PDLIM5: variants seen among roughly 807,000 people sequenced by gnomAD.
PDLIM5 encodes the protein PDZ and LIM domain protein 5.
A neutral mutation model predicts 64.2 loss-of-function variants in PDLIM5; 34 were observed. The observed-to-expected ratio is 0.53, with a 90% CI of 0.40 to 0.71. PDLIM5 has a LOEUF of 0.71. Ranked by LOEUF, PDLIM5 falls within the 30% of genes least tolerant of loss-of-function variation. The pLI, the probability that PDLIM5 is intolerant of heterozygous loss-of-function variation, is 0.00. For missense variants in PDLIM5, 683 were observed against 733.6 expected, an observed-to-expected ratio of 0.93 and a Z score of 0.80; for synonymous variants, 253 against 269.1, an observed-to-expected ratio of 0.94 and a Z score of 0.59.
intron 3 of PDLIM5, among the ~76,000 whole-genome samples, chr4:94,549,153 C>T (rs937667205): frequency 5.9e-5 from 9 of 152,168 alleles, no homozygotes; most frequent in Admixed American, 4.6e-4. Flanking sequence ...GGACACTATA[C>T]GCAGAGTTAA....
intron 4 of PDLIM5, 78 bp from the exon 5 acceptor site, chr4:94,575,538 C>A: frequency 1.0e-6 from 1 of 1,000,194 alleles, no homozygotes; most frequent in Non-Finnish European, 1.5e-6. Flanking sequence ...AAAAAATCAG[C>A]TCTGTGTTCT....
At chr4:94,493,833 T>G (rs895573793) in intron 2 of PDLIM5, among the ~76,000 whole-genome samples, 1 of 152,228 alleles carries the variant, frequency 6.6e-6, no homozygotes, top group African/African-American at 2.4e-5. Flanking sequence ...TCATAGACTA[T>G]TGTAATCTGC....
At chr4:94,501,310 C>T (rs761470197) in intron 2 of PDLIM5, among the ~76,000 whole-genome samples, 1 of 152,090 alleles carries the variant, frequency 6.6e-6, no homozygotes, top group Non-Finnish European at 1.5e-5. Flanking sequence ...GCTCAAACTC[C>T]TGAGCTCAAA....
In PDLIM5 at chr4:94,452,004, CG is replaced by C. The variant is rs1160015541; in HGVS notation, c.-43+11del. On this transcript the variant is annotated intron_variant, in intron 1 of 12. Coordinates refer to ENST00000317968, the MANE Select transcript of PDLIM5 (RefSeq NM_006457.5). ...GCCGCGCCGGACCCGAGGTGAGTGG[CG>C]GCCGGCCGGCGATGCGCCTCTCGGA... 1 of 152,196 alleles carries C rather than the reference CG, an allele frequency of 6.6e-6. No individual in the cohort carries two copies. The highest frequency in any genetic ancestry group is 2.4e-5 in the African/African-American group (1 of 41,404). The allele number at this position is 152,196 out of a possible 1,614,324, so 9.4% of individuals were successfully genotyped here. A position where few individuals can be genotyped will look rare whatever the true frequency, so the allele number is the denominator to read the frequency against.
intron 3 of PDLIM5, among the ~76,000 whole-genome samples, chr4:94,540,429 T>A (rs1731706592): frequency 6.6e-6 from 1 of 152,216 alleles, no homozygotes; most frequent in Non-Finnish European, 1.5e-5. Context: ...ATTATTCTTT[T>A]AATAAAGATG....
chr4:94,626,410 T>C (rs1165656765), intron 8 of PDLIM5, among the ~76,000 whole-genome samples: 3 of 152,182 alleles, frequency 2.0e-5, no homozygotes, highest in African/African-American at 7.2e-5. Context: ...TCAAAAGAAT[T>C]GTTTAGAGTT....
chr4:94,630,431 G>C (rs1157257524), intron 8 of PDLIM5, among the ~76,000 whole-genome samples: 2 of 152,120 alleles, frequency 1.3e-5, no homozygotes, highest in Non-Finnish European at 2.9e-5. Flanking sequence ...CTGGAGTCCA[G>C]TGGCGTGACC....
chr4:94,461,912 G>A (rs112070590), intron 2 of PDLIM5, among the ~76,000 whole-genome samples: 2 of 152,254 alleles, frequency 1.3e-5, no homozygotes, highest in Non-Finnish European at 2.9e-5. Context: ...TCACCCAGGC[G>A]GGAGTGCAGT....
rs67013211 is a variant in PDLIM5 at position 94,478,890 on chromosome 4, G to GTTTTTT, written c.96+23528_96+23533dup. 4.3e-5 allele frequency among the ~76,000 whole-genome samples: 4 copies of GTTTTTT among 94,084 alleles called. 1 individual carries two copies. The highest frequency in any genetic ancestry group is 7.8e-5 in the Non-Finnish European group (4 of 51,118). 61.7% of individuals were successfully genotyped at this position (94,084 alleles called of 152,430 possible). On this transcript the variant is annotated intron_variant, in intron 2 of 12. Coordinates refer to ENST00000317968, the MANE Select transcript of PDLIM5 (RefSeq NM_006457.5). ...CCAAAAGAAGGTAGGTGTGCTTGGT[G>GTTTTTT]TTTTTTTTTTTTTTTTTTTTTTTTT... is the stretch of plus-strand genomic sequence containing the variant.
chr4:94,576,080 A>G (rs1453529693), intron 5 of PDLIM5, 46 bp downstream of exon 5: 4 of 1,505,542 alleles, frequency 2.7e-6, no homozygotes, highest in Non-Finnish European at 3.6e-6. Flanking sequence ...CTCTTCTTTC[A>G]GGTAATTTCC....
intron 2 of PDLIM5, among the ~76,000 whole-genome samples, chr4:94,462,965 C>T (rs1578196680): frequency 1.3e-5 from 2 of 152,180 alleles, no homozygotes; most frequent in East Asian, 3.8e-4. Context: ...AAACATGCTG[C>T]TCTTCTTTAA....
intron 3 of PDLIM5, among the ~76,000 whole-genome samples, chr4:94,528,721 G>A (rs1244346369): frequency 2.0e-5 from 3 of 152,046 alleles, no homozygotes; most frequent in East Asian, 3.8e-4. Context: ...CATTTTAGAG[G>A]ACTGAGACAG....
chr4:94,504,506 C>T (rs961175155), intron 2 of PDLIM5, among the ~76,000 whole-genome samples: 2 of 152,078 alleles, frequency 1.3e-5, no homozygotes, highest in Non-Finnish European at 2.9e-5. Context: ...AGGATGGTCT[C>T]CGTCTCGTGA....
chr4:94,603,085 G>A (rs989708671), intron 7 of PDLIM5, among the ~76,000 whole-genome samples: 1 of 152,142 alleles, frequency 6.6e-6, no homozygotes, highest in African/African-American at 2.4e-5. Context: ...AATGTGACTG[G>A]AGTTCAGTGA....
At chr4:94,531,139 C>T (rs1277510577) in intron 3 of PDLIM5, among the ~76,000 whole-genome samples, 1 of 151,796 alleles carries the variant, frequency 6.6e-6, no homozygotes, top group Non-Finnish European at 1.5e-5. Context: ...ATTTCACGTA[C>T]TTTTCTAGTG....
At chr4:94,625,496 A>T (rs1739599117) in intron 8 of PDLIM5, among the ~76,000 whole-genome samples, 1 of 150,452 alleles carries the variant, frequency 6.6e-6, no homozygotes, top group Non-Finnish European at 1.5e-5. Flanking sequence ...TGTGTTGCCC[A>T]GGCTGGAGTG....
At chr4:94,562,556 C>T (rs1733937991) in intron 3 of PDLIM5, among the ~76,000 whole-genome samples, 1 of 152,146 alleles carries the variant, frequency 6.6e-6, no homozygotes, top group African/African-American at 2.4e-5. Flanking sequence ...CATTTAGGAA[C>T]TTTTGTAGCA....
chr4:94,513,575 C>A (rs1402626207), intron 2 of PDLIM5, among the ~76,000 whole-genome samples: 3 of 152,136 alleles, frequency 2.0e-5, no homozygotes, highest in African/African-American at 7.2e-5. Context: ...TATCCTGCAA[C>A]TTTACTGAAT....
intron 8 of PDLIM5, among the ~76,000 whole-genome samples, chr4:94,621,070 C>CAAAAAAA (rs10526750): frequency 1.2e-5 from 1 of 81,608 alleles, no homozygotes; most frequent in Non-Finnish European, 2.3e-5. Context: ...GACTCTGTCT[C>CAAAAAAA]AAAAAAAAAA....
Sources: gnomAD v4.1 joint callset for allele counts (sites outside exome capture counted in the v4.1 genomes callset) on GRCh38, gnomAD v4.1.1 for gene constraint, MANE v1.5 for transcripts, NCBI Gene and HGNC (gene_info 2026-07-23, HGNC 2026-07-21) for gene names.